ST18: variants seen among roughly 807,000 people sequenced by gnomAD.
ST18 encodes ST18 C2H2C-type zinc finger transcription factor.
ST18 carries 50 observed loss-of-function variants against 110.0 expected under a neutral mutation model. That is an observed-to-expected ratio of 0.45 (90% CI 0.36 to 0.58). The LOEUF (loss-of-function observed/expected upper bound fraction) is 0.58, where lower values mean the gene tolerates loss of function less well. ST18 is among the 20% of genes least tolerant of loss of function. ST18 has a pLI of 0.00. For synonymous variants in ST18, 461 were observed against 452.4 expected (o/e 1.02, Z -0.24); for missense variants, 1,306 against 1,280.1 (o/e 1.02, Z -0.31).
chr8:52,148,787 C>T (rs532699571), intron 16 of ST18, among the ~76,000 whole-genome samples: 11 of 152,122 alleles, frequency 7.2e-5, no homozygotes, highest in South Asian at 4.1e-4. Context: ...AAACTGTGTA[C>T]GTTGACTTAT....
chr8:52,204,518 G>A lies in ST18; in HGVS notation c.86+7561C>T, dbSNP rs942817622. On this transcript the variant is annotated intron_variant, in intron 8 of 25. Transcript: ENST00000689386. ...GGCACCTCTGAGTCCCAAGCTGGAC[G>A]TGATCTATTCTCACCCACAACAATG... 6.6e-5 allele frequency among the ~76,000 whole-genome samples: 10 copies of A among 152,312 alleles called. 1 individual carries two copies. The highest frequency in any genetic ancestry group is 2.0e-4 in the Admixed American group (3 of 15,300).
In ST18 at chr8:52,288,686, T is replaced by C. The variant is rs2095507169; in HGVS notation, c.-464-58609A>G. ...TCCAGTCTGGGTGGTAGACTAAGAC[T>C]CAGTCTCAAAAAATAAAAAAAAAAA... On this transcript the variant is annotated intron_variant, in intron 2 of 25. Transcript: ENST00000689386. Among the ~76,000 whole-genome samples, 3 of 145,010 alleles carry C rather than the reference T, an allele frequency of 2.1e-5. No homozygotes were observed. In the South Asian group the frequency reaches 6.6e-4, roughly 32 times the overall value.
At chr8:52,350,235 A>AAAGAT (rs1819677066) in intron 2 of ST18, among the ~76,000 whole-genome samples, 3 of 152,190 alleles carry the variant, frequency 2.0e-5, no homozygotes, top group African/African-American at 7.2e-5. Context: ...TTGCATTAGA[A>AAAGAT]GCTCTTATTA....
chr8:52,386,585 C>T (rs1043845582), intron 2 of ST18, among the ~76,000 whole-genome samples: 3 of 152,064 alleles, frequency 2.0e-5, no homozygotes, highest in African/African-American at 7.2e-5. Context: ...CAATGTTACT[C>T]TTGATGTCTT....
rs188980002 is a variant in ST18, at chr8:52,143,346, G to A, written c.2053-301C>T. Among the ~76,000 whole-genome samples, 32 of 152,250 alleles carry A rather than the reference G, an allele frequency of 2.1e-4. No homozygotes were observed. The East Asian group carries it at 4.8e-3, about 23-fold the overall frequency. On this transcript the variant is annotated intron_variant, in intron 16 of 25. Coordinates refer to ENST00000689386, the MANE Select transcript of ST18 (RefSeq NM_001352837.2). ...CCAAAAATACAAAAATTTGCTGGAC[G>A]CTGTGGTGCGTGCCTGTAGTCCCAG...
At chr8:52,304,843 G>T (rs2095788969) in intron 2 of ST18, among the ~76,000 whole-genome samples, 2 of 152,120 alleles carry the variant, frequency 1.3e-5, no homozygotes, top group African/African-American at 2.4e-5. Context: ...GGAGGAAGGG[G>T]CAAGAGAGCT....
At chr8:52,370,389 C>T (rs777664916) in intron 2 of ST18, among the ~76,000 whole-genome samples, 12 of 149,432 alleles carry the variant, frequency 8.0e-5, no homozygotes, top group South Asian at 2.1e-4. Flanking sequence ...TGCATGTGTG[C>T]GTGTGTGTGT....
rs1013830402 is a variant in ST18, at chr8:52,307,033, A to G, written c.-464-76956T>C. Among the ~76,000 whole-genome samples, 3 of 152,288 alleles carry G rather than the reference A, an allele frequency of 2.0e-5. No homozygotes were observed. The East Asian group carries it at 5.8e-4, about 29-fold the overall frequency. ...TGAGGTTTTGTCTATAGAATAAAAA[A>G]ATTAAAAATTCATTTGGGCTCACGC... On this transcript the variant is annotated intron_variant, in intron 2 of 25. Coordinates refer to ENST00000689386, the MANE Select transcript of ST18 (RefSeq NM_001352837.2).
intron 19 of ST18, among the ~76,000 whole-genome samples, chr8:52,134,224 G>GA (rs2051035227): frequency 6.6e-6 from 1 of 152,152 alleles, no homozygotes; most frequent in Non-Finnish European, 1.5e-5. Flanking sequence ...GTCTTTGGGG[G>GA]AAAATCCATC....
intron 2 of ST18, among the ~76,000 whole-genome samples, chr8:52,286,660 T>G (rs965007558): frequency 2.6e-5 from 4 of 151,908 alleles, no homozygotes; most frequent in Admixed American, 6.6e-5. Context: ...TGATTATGTG[T>G]GGTCAGGCAT....
rs752702544 is a variant in ST18 at position 52,144,340 on chromosome 8, A to T, written c.2053-1295T>A. On this transcript the variant is annotated intron_variant, in intron 16 of 25. Transcript: ENST00000689386. Reference sequence around the variant, plus strand: ...TTGAATCGTTCAAAATAATTTTTTTAAATTAAATGAATATAAAAATACTAT... The same window carrying T: ...TTGAATCGTTCAAAATAATTTTTTTTAATTAAATGAATATAAAAATACTAT... Among the ~76,000 whole-genome samples, 75 of 152,242 alleles carry T rather than the reference A, an allele frequency of 4.9e-4. 1 individual carries two copies. The highest frequency in any genetic ancestry group is 8.7e-4 in the Non-Finnish European group (59 of 67,966).
At chr8:52,141,217 A>G (rs954408059) in intron 17 of ST18, among the ~76,000 whole-genome samples, 12 of 152,214 alleles carry the variant, frequency 7.9e-5, no homozygotes, top group Non-Finnish European at 1.6e-4. Flanking sequence ...CTCACATACC[A>G]GTAGGGCAAA....
chr8:52,263,650 G>T, intron 2 of ST18, among the ~76,000 whole-genome samples: 1 of 143,734 alleles, frequency 7.0e-6, no homozygotes. Flanking sequence ...TCACTATGTT[G>T]GCCAGGCTAG....
chr8:52,357,676 A>AATATATATATATATATAT (rs71252934), intron 2 of ST18, among the ~76,000 whole-genome samples: 1 of 38,466 alleles, frequency 2.6e-5, no homozygotes, highest in Non-Finnish European at 4.7e-5. Flanking sequence ...AAAATCTATA[A>AATATATATATATATATAT]ATATATATAT....
intron 8 of ST18, among the ~76,000 whole-genome samples, chr8:52,205,051 G>T: frequency 6.6e-6 from 1 of 151,824 alleles, no homozygotes; most frequent in East Asian, 1.9e-4. Context: ...ACAAGCTGGA[G>T]AGTACTCTGT....
chr8:52,298,595 T>A (rs371738590), intron 2 of ST18, among the ~76,000 whole-genome samples: 7 of 152,338 alleles, frequency 4.6e-5, no homozygotes, highest in African/African-American at 1.7e-4. Context: ...TTACAATTAT[T>A]TTAAAATTTA....
intron 8 of ST18, among the ~76,000 whole-genome samples, chr8:52,203,497 A>G (rs2078760461): frequency 6.6e-6 from 1 of 152,168 alleles, no homozygotes; most frequent in Non-Finnish European, 1.5e-5. Context: ...TGATATTTGG[A>G]TTGTAGGGCG....
chr8:52,332,073 T>A (rs1301700020), intron 2 of ST18, among the ~76,000 whole-genome samples: 1 of 152,034 alleles, frequency 6.6e-6, no homozygotes, highest in East Asian at 1.9e-4. Flanking sequence ...ATATATACAT[T>A]TATAAAACAA....
chr8:52,357,674 TAAA>T (rs1564567794), intron 2 of ST18, among the ~76,000 whole-genome samples: 4 of 73,368 alleles, frequency 5.5e-5, no homozygotes, highest in African/African-American at 1.7e-4. Context: ...CCAAAATCTA[TAAA>T]TATATATATA....
Sources: gnomAD v4.1 joint callset for allele counts (sites outside exome capture counted in the v4.1 genomes callset) on GRCh38, gnomAD v4.1.1 for gene constraint, MANE v1.5 for transcripts, NCBI Gene and HGNC (gene_info 2026-07-23, HGNC 2026-07-21) for gene names.